INSL6: variants seen among roughly 807,000 people sequenced by gnomAD.
The protein encoded by INSL6 is insulin like 6, also known as insulin-like peptide INSL6.
A neutral mutation model predicts 9.4 loss-of-function variants in INSL6; 16 were observed. The observed-to-expected ratio is 1.70, with a 90% confidence interval of 1.15 to 2.59. INSL6 has a LOEUF of 2.59. Ranked by LOEUF, INSL6 falls within the 30% of genes most tolerant of loss-of-function variation. INSL6 has a pLI of 0.00. For missense variants in INSL6, 391 were observed against 257.3 expected (o/e 1.52, Z -3.56); for synonymous variants, 154 against 96.9 (o/e 1.59, Z -3.46).
At chr9:5,037,425 C>T in the INSL6 span, among the ~76,000 whole-genome samples, 2 of 152,182 alleles carry the variant, frequency 1.3e-5, no homozygotes, top group Non-Finnish European at 2.9e-5. Context: ...TATTGCGGCA[C>T]TATTCACAAT....
chr9:5,140,027 A>C (rs1824466047), intron 2 of INSL6, among the ~76,000 whole-genome samples: 1 of 152,146 alleles, frequency 6.6e-6, no homozygotes, highest in Admixed American at 6.6e-5. Flanking sequence ...CTGGGAAAAA[A>C]CCCACAACAT....
the INSL6 span, among the ~76,000 whole-genome samples, chr9:5,084,118 G>A: frequency 6.6e-6 from 1 of 152,020 alleles, no homozygotes; most frequent in Non-Finnish European, 1.5e-5. Flanking sequence ...TTAAACATAA[G>A]TAAATTGAAG....
At chr9:5,087,272 GGA>G in the INSL6 span, among the ~76,000 whole-genome samples, 1 of 152,194 alleles carries the variant, frequency 6.6e-6, no homozygotes, top group African/African-American at 2.4e-5. Context: ...CAGGGCAGCA[GGA>G]GAGAGAATGA....
At chr9:5,048,021 T>A in the INSL6 span, among the ~76,000 whole-genome samples, 2 of 152,246 alleles carry the variant, frequency 1.3e-5, no homozygotes, top group African/African-American at 4.8e-5. Flanking sequence ...TTTTCTCTAG[T>A]GAATAGTTTA....
At chr9:5,022,160 C>A in the INSL6 span, 3 of 1,614,148 alleles carry the variant, frequency 1.9e-6, no homozygotes, top group Non-Finnish European at 2.5e-6. Flanking sequence ...CTGACCTTTC[C>A]ATCTGGGGAG....
intron 1 of INSL6, among the ~76,000 whole-genome samples, chr9:5,177,424 C>A (rs1825334745): frequency 6.6e-6 from 1 of 152,170 alleles, no homozygotes; most frequent in Non-Finnish European, 1.5e-5. Context: ...ATCAGGAGAT[C>A]CCATTGTGAG....
chr9:5,086,158 C>T, the INSL6 span: 5 of 350,718 alleles, frequency 1.4e-5, no homozygotes, highest in South Asian at 9.8e-5. Flanking sequence ...GCTCGGGGAG[C>T]GGTCTCCACG....
chr9:5,184,037 G>A (rs1480730253), intron 1 of INSL6, among the ~76,000 whole-genome samples: 1 of 152,204 alleles, frequency 6.6e-6, no homozygotes, highest in South Asian at 2.1e-4. Context: ...GGTGAGGTTT[G>A]TATGTGGGTT....
chr9:5,078,214 C>T, the INSL6 span: 1 of 1,043,030 alleles, frequency 9.6e-7, no homozygotes, highest in Non-Finnish European at 1.4e-6. Context: ...ATGTATTTTT[C>T]TTCTTTAAAT....
chr9:5,160,759 T>C (rs928003655), downstream of INSL6, among the ~76,000 whole-genome samples: 2 of 151,698 alleles, frequency 1.3e-5, no homozygotes, highest in African/African-American at 4.8e-5. Context: ...AAAGGAGAAA[T>C]TACAACTGAT....
At chr9:5,126,252 T>TC in intron 3 of INSL6, 1 of 924,616 alleles carries the variant, frequency 1.1e-6, no homozygotes, top group Non-Finnish European at 1.7e-6. Flanking sequence ...CTAAATTTTT[T>TC]CCCATTGACT....
At chr9:5,065,039 T>G in the INSL6 span, 3 of 1,576,304 alleles carry the variant, frequency 1.9e-6, no homozygotes, top group South Asian at 3.6e-5. Context: ...TGGCCCAATT[T>G]CGTGAGTAAT....
At chr9:5,090,504 T>C in the INSL6 span, 1 of 1,592,950 alleles carries the variant, frequency 6.3e-7, no homozygotes, top group Non-Finnish European at 8.6e-7. Flanking sequence ...TACGAGACTA[T>C]CTTCAAAAAC....
At chr9:4,995,412 C>G in the INSL6 span, among the ~76,000 whole-genome samples, 5 of 152,164 alleles carry the variant, frequency 3.3e-5, no homozygotes, top group African/African-American at 1.2e-4. Flanking sequence ...CCCTTGTTTT[C>G]TTGTTCCATC....
At chr9:5,050,975 G>C in the INSL6 span, 3 of 764,592 alleles carry the variant, frequency 3.9e-6, no homozygotes. Flanking sequence ...AATCAGAAAT[G>C]CTTCAGATTT....
At chr9:5,083,896 A>G in the INSL6 span, among the ~76,000 whole-genome samples, 1 of 152,284 alleles carries the variant, frequency 6.6e-6, no homozygotes, top group Non-Finnish European at 1.5e-5. Context: ...ATTTCTTTCA[A>G]TAGTGAAACC....
the INSL6 span, among the ~76,000 whole-genome samples, chr9:4,995,542 G>C: frequency 6.6e-6 from 1 of 152,126 alleles, no homozygotes; most frequent in African/African-American, 2.4e-5. Flanking sequence ...TGAAATGCTG[G>C]TGTTTTAAAT....
the INSL6 span, chr9:5,110,662 C>G: frequency 4.1e-6 from 1 of 241,032 alleles, no homozygotes; most frequent in South Asian, 5.2e-5. Flanking sequence ...ACCACAAATA[C>G]TGTCATATAC....
At chr9:5,024,265 T>A in the INSL6 span, among the ~76,000 whole-genome samples, 1 of 151,578 alleles carries the variant, frequency 6.6e-6, no homozygotes, top group Non-Finnish European at 1.5e-5. Context: ...CAAAAAAAAA[T>A]TTTTTTTTGG....
Sources: gnomAD v4.1 joint callset for allele counts (sites outside exome capture counted in the v4.1 genomes callset) on GRCh38, gnomAD v4.1.1 for gene constraint, MANE v1.5 for transcripts, NCBI Gene and HGNC (gene_info 2026-07-23, HGNC 2026-07-21) for gene names.